The following PLCB1 variants were observed in gnomAD, a reference collection of about 807,000 sequenced individuals.
PLCB1 encodes 1-phosphatidylinositol 4,5-bisphosphate phosphodiesterase beta-1.
In PLCB1, 46 loss-of-function variants were observed where a neutral mutation model predicts 161.8. That is an observed-to-expected ratio of 0.28 (90% CI 0.22 to 0.36). PLCB1 has a LOEUF of 0.36. Ranked by LOEUF, PLCB1 falls within the 10% of genes least tolerant of loss-of-function variation. The pLI, the probability that PLCB1 is intolerant of heterozygous loss-of-function variation, is 1.00. For synonymous variants in PLCB1, 517 were observed against 503.7 expected (o/e 1.03, Z -0.35); for missense variants, 1,016 against 1,472.5 (o/e 0.69, Z 5.07).
At chr20:8,392,058 C>T (rs937645357) in intron 3 of PLCB1, among the ~76,000 whole-genome samples, 1 of 151,758 alleles carries the variant, frequency 6.6e-6, no homozygotes, top group Non-Finnish European at 1.5e-5. Flanking sequence ...TTATGAGCAG[C>T]GAGTTCCTAT....
In PLCB1 at chr20:8,173,178, C is replaced by T. The variant is rs542093185; in HGVS notation, c.177+22807C>T. On this transcript the variant is annotated intron_variant, in intron 2 of 31. Coordinates refer to ENST00000338037, the MANE Select transcript of PLCB1 (RefSeq NM_015192.4). The stretch of plus-strand genomic sequence containing the variant: ...ACAACAAGCAGCCTGGCCTGGGATA[C>T]CTCTTTCTCCATGGGTCTGAAACTC... Among the ~76,000 whole-genome samples, 7 of 152,276 alleles carry T rather than the reference C, an allele frequency of 4.6e-5. No individual in the cohort carries two copies. The South Asian group carries it at 1.5e-3, about 32-fold the overall frequency.
At chr20:8,305,213 C>T in intron 2 of PLCB1, among the ~76,000 whole-genome samples, 1 of 152,114 alleles carries the variant, frequency 6.6e-6, no homozygotes, top group East Asian at 1.9e-4. Context: ...TATTTATTGT[C>T]TATATTTTAG....
At chr20:8,713,787 A>C (rs545197338) in intron 12 of PLCB1, among the ~76,000 whole-genome samples, 1 of 152,212 alleles carries the variant, frequency 6.6e-6, no homozygotes, top group East Asian at 1.9e-4. Flanking sequence ...GGGACTGTGG[A>C]CTTGATCCTG....
intron 1 of PLCB1, among the ~76,000 whole-genome samples, chr20:8,136,477 T>C (rs1482704344): frequency 6.6e-6 from 1 of 151,880 alleles, no homozygotes; most frequent in Admixed American, 6.6e-5. Context: ...ATACAAAAAA[T>C]TAGCCGGGCG....
At chr20:8,304,830 G>C (rs1234522464) in intron 2 of PLCB1, among the ~76,000 whole-genome samples, 1 of 152,120 alleles carries the variant, frequency 6.6e-6, no homozygotes, top group Non-Finnish European at 1.5e-5. Context: ...ATGAGGCACA[G>C]AGAGATTAAG....
chr20:8,658,239 T>A (rs1470420682), intron 8 of PLCB1, among the ~76,000 whole-genome samples: 1 of 152,126 alleles, frequency 6.6e-6, no homozygotes, highest in Admixed American at 6.6e-5. Flanking sequence ...CTGTGTTCGG[T>A]TTAGAGTGGT....
chr20:8,740,317 C>T, intron 21 of PLCB1, 27 bp from the exon 22 acceptor site: 1 of 1,207,646 alleles, frequency 8.3e-7, no homozygotes. Context: ...GAAATATGTG[C>T]TACACAGCAT....
intron 3 of PLCB1, among the ~76,000 whole-genome samples, chr20:8,490,249 A>G (rs1298308462): frequency 6.6e-6 from 1 of 152,230 alleles, no homozygotes; most frequent in Non-Finnish European, 1.5e-5. Context: ...CAAAAAAATT[A>G]AGAGCCATTG....
intron 31 of PLCB1, among the ~76,000 whole-genome samples, chr20:8,800,152 C>A (rs1411494865): frequency 6.6e-6 from 1 of 152,180 alleles, no homozygotes; most frequent in Non-Finnish European, 1.5e-5. Context: ...AGGGCAAATG[C>A]AGGCATACTG....
At chr20:8,531,181 G>C (rs555369242) in intron 3 of PLCB1, among the ~76,000 whole-genome samples, 1 of 152,150 alleles carries the variant, frequency 6.6e-6, no homozygotes, top group South Asian at 2.1e-4. Flanking sequence ...AACCTCAGCA[G>C]AGGGAAGTAC....
At chr20:8,645,003 G>A (rs1178756025) in intron 4 of PLCB1, among the ~76,000 whole-genome samples, 6 of 152,030 alleles carry the variant, frequency 3.9e-5, no homozygotes, top group Non-Finnish European at 5.9e-5. Flanking sequence ...TTATCCTGTT[G>A]ATCTGTAACC....
intron 3 of PLCB1, among the ~76,000 whole-genome samples, chr20:8,475,323 T>C (rs1355710277): frequency 6.6e-6 from 1 of 152,098 alleles, no homozygotes; most frequent in Non-Finnish European, 1.5e-5. Flanking sequence ...CAGTGGTGCA[T>C]GCCTGTAATC....
intron 2 of PLCB1, among the ~76,000 whole-genome samples, chr20:8,162,896 A>C (rs1350463538): frequency 6.6e-6 from 1 of 152,242 alleles, no homozygotes; most frequent in South Asian, 2.1e-4. Flanking sequence ...TATATTGTGA[A>C]TATTGAGACA....
intron 9 of PLCB1, among the ~76,000 whole-genome samples, chr20:8,683,769 C>A (rs931100253): frequency 2.6e-5 from 4 of 152,084 alleles, no homozygotes; most frequent in African/African-American, 9.7e-5. Flanking sequence ...TAAAATAATT[C>A]TTAATATGAG....
chr20:8,736,933 G>A, intron 19 of PLCB1, 95 bp from the exon 20 acceptor site: 1 of 891,122 alleles, frequency 1.1e-6, no homozygotes, highest in South Asian at 1.6e-5. Context: ...AACATTTGCT[G>A]AAGAGCATTT....
At chr20:8,760,341 T>C in intron 24 of PLCB1, 66 bp from the exon 25 acceptor site, 1 of 943,148 alleles carries the variant, frequency 1.1e-6, no homozygotes, top group Non-Finnish European at 1.7e-6. Flanking sequence ...ATATGTTTGT[T>C]TGTTTACAGG....
chr20:8,749,000 A>G (rs576135697), intron 23 of PLCB1, among the ~76,000 whole-genome samples: 11 of 152,188 alleles, frequency 7.2e-5, no homozygotes, highest in Non-Finnish European at 1.3e-4. Context: ...TCTTGTTACA[A>G]TGCAGATTCA....
chr20:8,577,403 A>C (rs903058638), intron 3 of PLCB1, among the ~76,000 whole-genome samples: 2 of 148,804 alleles, frequency 1.3e-5, no homozygotes, highest in Non-Finnish European at 3.0e-5. Flanking sequence ...GTGCCACTGC[A>C]CTCCAGCCTG....
intron 2 of PLCB1, among the ~76,000 whole-genome samples, chr20:8,203,844 A>G (rs1196319275): frequency 6.6e-6 from 1 of 152,146 alleles, no homozygotes; most frequent in Non-Finnish European, 1.5e-5. Flanking sequence ...TACAACCCTG[A>G]AGCACATTGC....
Sources: gnomAD v4.1 joint callset for allele counts (sites outside exome capture counted in the v4.1 genomes callset) on GRCh38, gnomAD v4.1.1 for gene constraint, MANE v1.5 for transcripts, NCBI Gene and HGNC (gene_info 2026-07-23, HGNC 2026-07-21) for gene names.